FOXJ3: variants seen among roughly 807,000 people sequenced by gnomAD.
FOXJ3 encodes the protein forkhead box protein J3.
FOXJ3 carries 22 observed loss-of-function variants against 76.1 expected under a neutral mutation model. The ratio of observed to expected loss-of-function variants is 0.29; its 90% CI spans 0.21 to 0.41. The LOEUF (loss-of-function observed/expected upper bound fraction) is 0.41, where lower values mean the gene tolerates loss of function less well. Among genes scored for constraint, FOXJ3 ranks in the 10% least tolerant of loss-of-function variants. The pLI is 1.00. For missense variants in FOXJ3, 613 were observed against 762.1 expected, an observed-to-expected ratio of 0.80 and a Z score of 2.30; for synonymous variants, 269 against 261.2, an observed-to-expected ratio of 1.03 and a Z score of -0.29.
At chr1:42,259,298 A>G (rs1419574705) in intron 4 of FOXJ3, among the ~76,000 whole-genome samples, 1 of 152,174 alleles carries the variant, frequency 6.6e-6, no homozygotes, top group East Asian at 1.9e-4. Flanking sequence ...CTCTATTTTG[A>G]TTACAGTGAT....
intron 3 of FOXJ3, among the ~76,000 whole-genome samples, chr1:42,266,951 G>A (rs893341860): frequency 6.6e-6 from 1 of 152,068 alleles, no homozygotes; most frequent in African/African-American, 2.4e-5. Context: ...TTCTGCTGCT[G>A]GAGGAAAAGT....
chr1:42,200,638 C>T (rs1402735805), intron 6 of FOXJ3, among the ~76,000 whole-genome samples: 4 of 152,076 alleles, frequency 2.6e-5, no homozygotes, highest in African/African-American at 4.8e-5. Flanking sequence ...GCCACCATAC[C>T]TGGCTAATTG....
chr1:42,324,122 C>CAGTGTATATATAGTGTATATAT (rs1557726070), intron 1 of FOXJ3, among the ~76,000 whole-genome samples: 1 of 130,192 alleles, frequency 7.7e-6, no homozygotes. Context: ...ACTGTATATA[C>CAGTGTATATATAGTGTATATAT]ACAGTGTATA....
chr1:42,228,419 A>C (rs987748087), intron 4 of FOXJ3, among the ~76,000 whole-genome samples: 1 of 152,136 alleles, frequency 6.6e-6, no homozygotes. Flanking sequence ...CCTGAGAAGC[A>C]ATGATACGTA....
intron 2 of FOXJ3, 118 bp from the exon 3 acceptor site, chr1:42,278,790 G>C: frequency 2.9e-6 from 2 of 692,260 alleles, no homozygotes; most frequent in Non-Finnish European, 4.9e-6. Flanking sequence ...TACATCTGGA[G>C]GAAAAAGATT....
At chr1:42,292,245 T>C (rs1188122010) in intron 2 of FOXJ3, among the ~76,000 whole-genome samples, 1 of 152,224 alleles carries the variant, frequency 6.6e-6, no homozygotes, top group African/African-American at 2.4e-5. Flanking sequence ...CCATACTAAA[T>C]GTTCACAAGC....
chr1:42,259,096 G>A (rs1433280346), intron 4 of FOXJ3, among the ~76,000 whole-genome samples: 2 of 152,152 alleles, frequency 1.3e-5, no homozygotes, highest in African/African-American at 2.4e-5. Flanking sequence ...TATGCACAAC[G>A]ACATGGATAG....
rs1652461968 is a variant in FOXJ3 at position 42,278,539 on chromosome 1, G to C, written c.178C>G (p.Leu60Val). The C allele has an allele frequency of 6.2e-7, 1 of 1,614,164 alleles. No homozygotes were observed. The change falls in exon 3 of 13, where the codon CTT becomes GTT. Residue 60 changes from leucine (L) to valine (V), a missense_variant. Around this residue, in one of 3 missense-constraint regions of FOXJ3, gnomAD observed 77 missense variants for 115.1 expected, o/e 0.67. Transcript: ENST00000361346. Reference sequence around the variant, plus strand: ...TGGTCCAGAGTTGTATTTGGGTCAAGGAGTGCATTCTTCTTAGAAATTCCT... The same window carrying C: ...TGGTCCAGAGTTGTATTTGGGTCAACGAGTGCATTCTTCTTAGAAATTCCT... ...GTGISKKNAL[L>V]DPNTTLDQEE...
At chr1:42,223,197 T>C (rs1360927158) in intron 5 of FOXJ3, among the ~76,000 whole-genome samples, 1 of 152,192 alleles carries the variant, frequency 6.6e-6, no homozygotes, top group Admixed American at 6.5e-5. Flanking sequence ...GAAAGCATGC[T>C]AGTTTTCCAG....
chr1:42,278,384 G>A lies in FOXJ3; in HGVS notation c.333C>T (p.Asn111=). 1.9e-6 allele frequency: 3 copies of A among 1,613,590 alleles called. No homozygotes were observed. The highest frequency in any genetic ancestry group is 1.7e-6 in the Non-Finnish European group (2 of 1,179,530). The change falls in exon 3 of 13, where the codon AAC becomes AAT. Residue 111 remains asparagine (N), a synonymous_variant. Transcript: ENST00000361346. The stretch of plus-strand genomic sequence containing the variant: ...TGCCAGCCTCTCTATAATATGGGAA[G>A]TTATCACAAATCCACTGATAAATTT... ...LSEIYQWICD[N]FPYYREAGSG... is the part of the protein sequence containing the mutation.
At chr1:42,233,653 A>G (rs1368534297) in intron 4 of FOXJ3, among the ~76,000 whole-genome samples, 1 of 86,212 alleles carries the variant, frequency 1.2e-5, no homozygotes, top group East Asian at 3.2e-4. Context: ...TTGTATCCTG[A>G]GACTTTGCTG....
chr1:42,285,661 G>C (rs1653007565), intron 2 of FOXJ3, among the ~76,000 whole-genome samples: 1 of 152,102 alleles, frequency 6.6e-6, no homozygotes, highest in South Asian at 2.1e-4. Context: ...TGAGGATAGT[G>C]GACAAGGTAA....
intron 12 of FOXJ3, 32 bp downstream of exon 12, chr1:42,181,885 A>T: frequency 4.3e-6 from 6 of 1,407,306 alleles, no homozygotes; most frequent in Non-Finnish European, 6.0e-6. Context: ...ACACACACAC[A>T]CACACACACT....
At chr1:42,197,848 G>A (rs1646682976) in intron 7 of FOXJ3, among the ~76,000 whole-genome samples, 1 of 152,010 alleles carries the variant, frequency 6.6e-6, no homozygotes, top group Non-Finnish European at 1.5e-5. Context: ...ATGTTGGCCA[G>A]GCTGATATCA....
At chr1:42,317,712 TA>T (rs967763289) in intron 1 of FOXJ3, among the ~76,000 whole-genome samples, 3 of 151,884 alleles carry the variant, frequency 2.0e-5, no homozygotes, top group African/African-American at 4.8e-5. Flanking sequence ...TTAGCATGGA[TA>T]GGGGTTAAGA....
At chr1:42,331,549 G>C (rs551570792) in intron 1 of FOXJ3, among the ~76,000 whole-genome samples, 1 of 152,240 alleles carries the variant, frequency 6.6e-6, no homozygotes, top group African/African-American at 2.4e-5. Context: ...GCAAGTGAAA[G>C]AAGTCAGACA....
At chr1:42,189,444 A>G in intron 9 of FOXJ3, 40 bp from the exon 10 acceptor site, 1 of 1,416,854 alleles carries the variant, frequency 7.1e-7, no homozygotes, top group Non-Finnish European at 9.9e-7. Flanking sequence ...TGGATGGTGA[A>G]AGGGTGAAGT....
chr1:42,325,742 T>A (rs1199916219), intron 1 of FOXJ3, among the ~76,000 whole-genome samples: 1 of 152,260 alleles, frequency 6.6e-6, no homozygotes, highest in Non-Finnish European at 1.5e-5. Context: ...AAATAATTAC[T>A]GTAAGTAAAC....
At chr1:42,181,080 C>T (rs1646308771) in intron 12 of FOXJ3, among the ~76,000 whole-genome samples, 1 of 152,234 alleles carries the variant, frequency 6.6e-6, no homozygotes. Flanking sequence ...TTTAAATCCA[C>T]CCCCAACCCC....
Sources: allele counts gnomAD v4.1 joint callset (sites outside exome capture counted in the v4.1 genomes callset), GRCh38; gene constraint gnomAD v4.1.1; regional missense constraint gnomAD v4.1.1; transcripts MANE v1.5; gene names NCBI Gene and HGNC (gene_info 2026-07-23, HGNC 2026-07-21).